HMGN5: variants seen among roughly 807,000 people sequenced by gnomAD.
The protein encoded by HMGN5 is high mobility group nucleosome binding domain 5.
A neutral mutation model predicts 9.5 loss-of-function variants in HMGN5; 4 were observed. That is an observed-to-expected ratio of 0.42 (90% CI 0.21 to 0.96). The LOEUF (loss-of-function observed/expected upper bound fraction) is 0.96, where lower values mean the gene tolerates loss of function less well. Among genes scored for constraint, HMGN5 ranks in the 40% least tolerant of loss-of-function variants. HMGN5 has a pLI of 0.30. For missense variants in HMGN5, 192 were observed against 187.5 expected, an observed-to-expected ratio of 1.02 and a Z score of -0.14; for synonymous variants, 55 against 57.1, an observed-to-expected ratio of 0.96 and a Z score of 0.16.
At chrX:81,200,112 CAT>C (rs747527900) in intron 1 of HMGN5, among the ~76,000 whole-genome samples, 15 of 112,741 alleles carry the variant, frequency 1.3e-4, no homozygotes, top group Non-Finnish European at 2.6e-4. Flanking sequence ...AGCCAACAGA[CAT>C]ATGCAAAAAT....
At chrX:81,191,108 C>A (rs932491952) in intron 1 of HMGN5, among the ~76,000 whole-genome samples, 1 of 111,714 alleles carries the variant, frequency 9.0e-6, no homozygotes, top group Non-Finnish European at 1.9e-5. Flanking sequence ...AAATACCATT[C>A]TATTTACATA....
At chrX:81,140,831 G>A (rs757527086) in intron 1 of HMGN5, among the ~76,000 whole-genome samples, 2 of 111,112 alleles carry the variant, frequency 1.8e-5, no homozygotes, top group South Asian at 3.8e-4. Flanking sequence ...GCATGGCCAC[G>A]GGGGGATAGT....
intron 1 of HMGN5, among the ~76,000 whole-genome samples, chrX:81,126,139 C>A (rs192205444): frequency 1.5e-5 from 1 of 64,883 alleles, no homozygotes; most frequent in Non-Finnish European, 2.8e-5. Context: ...CAGAGCAAGA[C>A]GCAGTCTCAA....
chrX:81,175,638 G>A (rs1006968666), intron 1 of HMGN5, among the ~76,000 whole-genome samples: 6 of 110,481 alleles, frequency 5.4e-5, no homozygotes, highest in African/African-American at 1.6e-4. Context: ...CTCCTCAGCC[G>A]CATGCCAAGC....
chrX:81,149,648 G>A (rs2075355428), intron 1 of HMGN5, among the ~76,000 whole-genome samples: 1 of 111,776 alleles, frequency 8.9e-6, no homozygotes, highest in South Asian at 3.8e-4. Context: ...CCATTGATCT[G>A]TTGCCTGAAA....
At chrX:81,130,804 T>A (rs950226647) in intron 1 of HMGN5, among the ~76,000 whole-genome samples, 3 of 111,258 alleles carry the variant, frequency 2.7e-5, no homozygotes, top group Non-Finnish European at 5.7e-5. Flanking sequence ...TGTATCAGGC[T>A]CTAAGGATAC....
chrX:81,138,684 G>T (rs1403586782), intron 1 of HMGN5, among the ~76,000 whole-genome samples: 1 of 111,191 alleles, frequency 9.0e-6, no homozygotes, highest in Non-Finnish European at 1.9e-5. Flanking sequence ...TGGAAGGAAA[G>T]GAATAAAATT....
intron 1 of HMGN5, among the ~76,000 whole-genome samples, chrX:81,179,522 A>G (rs1200236832): frequency 9.0e-6 from 1 of 111,583 alleles, no homozygotes; most frequent in Non-Finnish European, 1.9e-5. Flanking sequence ...TTCAAGGAGA[A>G]CTACAAACCA....
intron 1 of HMGN5, among the ~76,000 whole-genome samples, chrX:81,139,885 T>C (rs781768247): frequency 8.9e-6 from 1 of 112,197 alleles, no homozygotes; most frequent in African/African-American, 3.2e-5. Context: ...CAGCAACCTA[T>C]GTCTGCAAGT....
intron 1 of HMGN5, among the ~76,000 whole-genome samples, chrX:81,142,014 T>C (rs954043060): frequency 1.8e-5 from 2 of 112,000 alleles, no homozygotes; most frequent in Admixed American, 1.9e-4. Context: ...ACTGAAGTAA[T>C]TAAAAGGTTT....
intron 1 of HMGN5, among the ~76,000 whole-genome samples, chrX:81,170,250 G>T (rs1299616200): frequency 9.0e-6 from 1 of 110,517 alleles, no homozygotes; most frequent in Non-Finnish European, 1.9e-5. Flanking sequence ...CGGCATCTGA[G>T]AGATACCCAT....
intron 1 of HMGN5, among the ~76,000 whole-genome samples, chrX:81,153,637 A>G (rs866260699): frequency 1.5e-4 from 7 of 45,398 alleles, no homozygotes; most frequent in Non-Finnish European, 2.0e-4. Context: ...ATATATATAT[A>G]TATGTATCTC....
intron 1 of HMGN5, among the ~76,000 whole-genome samples, chrX:81,175,738 T>C (rs1417393237): frequency 9.0e-6 from 1 of 111,424 alleles, no homozygotes; most frequent in African/African-American, 3.3e-5. Context: ...GGAGCATGCC[T>C]TTACCCCGTT....
intron 1 of HMGN5, among the ~76,000 whole-genome samples, chrX:81,152,849 C>T (rs1167796846): frequency 9.2e-6 from 1 of 108,317 alleles, no homozygotes; most frequent in Non-Finnish European, 1.9e-5. Flanking sequence ...TTTGTAGGGA[C>T]ATGGATGAAA....
At chrX:81,184,887 T>A (rs1333498850) in intron 1 of HMGN5, among the ~76,000 whole-genome samples, 1 of 112,062 alleles carries the variant, frequency 8.9e-6, no homozygotes, top group Non-Finnish European at 1.9e-5. Context: ...GTGACTTTCT[T>A]TTCCCCAGTG....
At chrX:81,139,168 C>T (rs2075320580) in intron 1 of HMGN5, among the ~76,000 whole-genome samples, 1 of 112,186 alleles carries the variant, frequency 8.9e-6, no homozygotes, top group Non-Finnish European at 1.9e-5. Context: ...ATAGCTAAAG[C>T]AATTTCAAAA....
At chrX:81,121,410 A>G in intron 2 of HMGN5, 125 bp downstream of exon 2, 1 of 684,828 alleles carries the variant, frequency 1.5e-6, no homozygotes, top group Middle Eastern at 3.0e-4. Context: ...TTTCCGTTTC[A>G]TTACATCACA....
intron 1 of HMGN5, among the ~76,000 whole-genome samples, chrX:81,144,978 C>T (rs1815947191): frequency 9.0e-6 from 1 of 111,578 alleles, no homozygotes; most frequent in Non-Finnish European, 1.9e-5. Context: ...TGAACACAGC[C>T]TCCAAGAAAT....
intron 1 of HMGN5, chrX:81,197,917 T>C (rs1171573004): frequency 9.0e-6 from 1 of 111,560 alleles, no homozygotes; most frequent in African/African-American, 3.3e-5. Context: ...GACTAGATCA[T>C]GCTGACTTAC....
Sources: gnomAD v4.1 joint callset for allele counts (sites outside exome capture counted in the v4.1 genomes callset) on GRCh38, gnomAD v4.1.1 for gene constraint, MANE v1.5 for transcripts, NCBI Gene and HGNC (gene_info 2026-07-23, HGNC 2026-07-21) for gene names.